Variants in SGCZ observed in about 807,000 individuals in gnomAD.
The protein encoded by SGCZ is zeta-sarcoglycan.
Under a neutral mutation model 41.3 loss-of-function variants are expected in SGCZ, and 40 were observed. That is an observed-to-expected ratio of 0.97 (90% CI 0.75 to 1.26). The LOEUF is 1.26. Ranked by LOEUF, SGCZ falls within the 50% of genes most tolerant of loss-of-function variation. The pLI is 0.00. For synonymous variants in SGCZ, 206 were observed against 137.5 expected (o/e 1.50, Z -3.49); for missense variants, 552 against 369.8 (o/e 1.49, Z -4.04).
intron 1 of SGCZ, among the ~76,000 whole-genome samples, chr8:14,789,420 T>C (rs1800877306): frequency 6.6e-6 from 1 of 152,220 alleles, no homozygotes; most frequent in South Asian, 2.1e-4. Context: ...TTGATCTTTG[T>C]GTTTCAAATA....
chr8:14,329,278 A>G (rs556987527), intron 2 of SGCZ, among the ~76,000 whole-genome samples: 1 of 152,312 alleles, frequency 6.6e-6, no homozygotes, highest in South Asian at 2.1e-4. Flanking sequence ...TGTATTTTAT[A>G]AACATCAGAC....
intron 1 of SGCZ, among the ~76,000 whole-genome samples, chr8:15,176,980 A>G (rs1444499174): frequency 6.6e-6 from 1 of 152,172 alleles, no homozygotes; most frequent in African/African-American, 2.4e-5. Context: ...CAGCCTGGGC[A>G]ACAGAGCGAG....
chr8:14,630,684 A>C (rs571441410), intron 1 of SGCZ, among the ~76,000 whole-genome samples: 1 of 134,010 alleles, frequency 7.5e-6, no homozygotes, highest in African/African-American at 2.7e-5. Flanking sequence ...ATGGAATACT[A>C]TGCAGCCATA....
rs143900636 is a variant in SGCZ at position 14,311,469 on chromosome 8, A to G, written c.336+12634T>C. Reference sequence around the variant, plus strand: ...GTTACATTTACACAGATAGGAACACAATAAAGCCATAAAGCCCAGAAAATT... The same window carrying G: ...GTTACATTTACACAGATAGGAACACGATAAAGCCATAAAGCCCAGAAAATT... On this transcript the variant is annotated intron_variant, in intron 3 of 7. Coordinates refer to ENST00000382080, the MANE Select transcript of SGCZ (RefSeq NM_139167.4). Among the ~76,000 whole-genome samples the G allele has an allele frequency of 7.0e-4, 107 of 152,278 alleles. 2 individuals are homozygous for G. In the East Asian group the frequency reaches 0.02, roughly 28 times the overall value.
chr8:14,599,025 A>C (rs1805503069), intron 1 of SGCZ, among the ~76,000 whole-genome samples: 1 of 152,076 alleles, frequency 6.6e-6, no homozygotes, highest in African/African-American at 2.4e-5. Context: ...GACATCTCAG[A>C]TTCTAAACCT....
intron 1 of SGCZ, among the ~76,000 whole-genome samples, chr8:15,206,284 T>G (rs1801060041): frequency 1.3e-5 from 2 of 152,064 alleles, no homozygotes; most frequent in South Asian, 4.2e-4. Flanking sequence ...AGATCCATAT[T>G]ACAGGCTGAG....
intron 1 of SGCZ, among the ~76,000 whole-genome samples, chr8:14,806,370 T>C (rs1292443419): frequency 6.7e-6 from 1 of 149,444 alleles, no homozygotes; most frequent in Non-Finnish European, 1.5e-5. Flanking sequence ...AAGAATCAAA[T>C]AGACACAATA....
At chr8:14,795,816 TC>T (rs1462020940) in intron 1 of SGCZ, among the ~76,000 whole-genome samples, 1 of 152,112 alleles carries the variant, frequency 6.6e-6, no homozygotes, top group Non-Finnish European at 1.5e-5. Context: ...CTGATCCTCT[TC>T]CTCCTCCCAC....
chr8:14,298,660 T>C (rs746253152), intron 3 of SGCZ, among the ~76,000 whole-genome samples: 5 of 152,128 alleles, frequency 3.3e-5, no homozygotes, highest in Non-Finnish European at 5.9e-5. Context: ...TTGAAAACTA[T>C]AAAATATTTC....
intron 3 of SGCZ, among the ~76,000 whole-genome samples, chr8:14,310,536 G>A (rs1288745963): frequency 1.3e-5 from 2 of 151,738 alleles, no homozygotes; most frequent in Non-Finnish European, 2.9e-5. Context: ...TTAAGTTTTA[G>A]GGTACATGTG....
intron 1 of SGCZ, among the ~76,000 whole-genome samples, chr8:14,831,755 TA>T (rs1255347154): frequency 1.1e-5 from 1 of 93,222 alleles, no homozygotes; most frequent in African/African-American, 3.9e-5. Flanking sequence ...AAGATCTGTA[TA>T]AACATATACA....
intron 1 of SGCZ, among the ~76,000 whole-genome samples, chr8:14,747,705 T>TTGTGTGTGTGTGTGTATTTGTG (rs1799378227): frequency 2.2e-5 from 3 of 136,614 alleles, no homozygotes; most frequent in East Asian, 4.3e-4. Flanking sequence ...GTGTGTGTAT[T>TTGTGTGTGTGTGTGTATTTGTG]TGTGTGTGTG....
intron 1 of SGCZ, among the ~76,000 whole-genome samples, chr8:14,822,141 T>G (rs1374859099): frequency 6.6e-6 from 1 of 151,034 alleles, no homozygotes; most frequent in Non-Finnish European, 1.5e-5. Flanking sequence ...TCAGTTAAGT[T>G]TCAGGACACA....
intron 1 of SGCZ, among the ~76,000 whole-genome samples, chr8:14,921,901 G>A (rs779583507): frequency 5.9e-5 from 9 of 152,126 alleles, no homozygotes; most frequent in Non-Finnish European, 1.2e-4. Context: ...TAAGCAATTC[G>A]TATGATTTTT....
intron 1 of SGCZ, among the ~76,000 whole-genome samples, chr8:14,712,557 G>C (rs564193842): frequency 4.6e-5 from 7 of 152,140 alleles, no homozygotes; most frequent in South Asian, 4.1e-4. Flanking sequence ...AATTCTTTTG[G>C]GGGGAGACAA....
intron 2 of SGCZ, among the ~76,000 whole-genome samples, chr8:14,462,260 A>C (rs1003201830): frequency 1.3e-5 from 2 of 151,994 alleles, no homozygotes; most frequent in African/African-American, 4.8e-5. Flanking sequence ...AAATGGAAAA[A>C]ACATATAGAG....
intron 1 of SGCZ, among the ~76,000 whole-genome samples, chr8:14,864,520 T>G (rs1308600657): frequency 6.6e-6 from 1 of 152,200 alleles, no homozygotes; most frequent in African/African-American, 2.4e-5. Flanking sequence ...AATGTTCCTG[T>G]CCCACTAGAA....
chr8:14,591,189 T>C (rs59619928), intron 1 of SGCZ, among the ~76,000 whole-genome samples: 19,122 of 151,808 alleles, frequency 0.13, 1,343 homozygotes, highest in East Asian at 0.31. Context: ...TTACAATCAT[T>C]TAACAATATC....
At chr8:14,479,015 G>C (rs865804214) in intron 2 of SGCZ, among the ~76,000 whole-genome samples, 2 of 152,274 alleles carry the variant, frequency 1.3e-5, no homozygotes, top group South Asian at 2.1e-4. Context: ...GTCTCCTGTT[G>C]TATTCGGGTT....
Sources: allele counts gnomAD v4.1 joint callset (sites outside exome capture counted in the v4.1 genomes callset), GRCh38; gene constraint gnomAD v4.1.1; transcripts MANE v1.5; gene names NCBI Gene and HGNC (gene_info 2026-07-23, HGNC 2026-07-21).